The following PAK3 variants were observed in gnomAD, a reference collection of about 807,000 sequenced individuals.
The protein encoded by PAK3 is serine/threonine-protein kinase PAK 3.
In PAK3, 4 loss-of-function variants were observed where a neutral mutation model predicts 41.0. The ratio of observed to expected loss-of-function variants is 0.10; its 90% CI spans 0.05 to 0.22. PAK3 has a LOEUF of 0.22. PAK3 is among the 10% of genes least tolerant of loss of function. PAK3 has a pLI of 1.00. For synonymous variants in PAK3, 146 were observed against 139.6 expected (o/e 1.05, Z -0.32); for missense variants, 205 against 409.9 (o/e 0.50, Z 4.32).
At chrX:110,944,957 G>T (rs2090580227) in intron 1 of PAK3, among the ~76,000 whole-genome samples, 1 of 111,952 alleles carries the variant, frequency 8.9e-6, no homozygotes, top group Non-Finnish European at 1.9e-5. Flanking sequence ...GGATGGGGGC[G>T]GGGAGAGATG....
intron 1 of PAK3, among the ~76,000 whole-genome samples, chrX:111,070,663 G>A (rs1286794633): frequency 1.8e-5 from 2 of 111,803 alleles, no homozygotes; most frequent in Non-Finnish European, 3.8e-5. Flanking sequence ...GGACTTTGAG[G>A]CTACCTGATG....
At chrX:111,142,220 T>G (rs1304592746) in intron 6 of PAK3, 24 bp downstream of exon 6, 1 of 864,131 alleles carries the variant, frequency 1.2e-6, no homozygotes, top group African/African-American at 2.0e-5. Context: ...TTGTTTTGTT[T>G]TGTAAGCCAC....
intron 13 of PAK3, among the ~76,000 whole-genome samples, chrX:111,193,324 A>G (rs1456327863): frequency 9.2e-6 from 1 of 108,849 alleles, no homozygotes; most frequent in Non-Finnish European, 1.9e-5. Context: ...CTGGGAGGAA[A>G]AAAGAGGGTT....
intron 1 of PAK3, among the ~76,000 whole-genome samples, chrX:111,032,068 C>G (rs2092346435): frequency 9.0e-6 from 1 of 111,644 alleles, no homozygotes; most frequent in African/African-American, 3.3e-5. Context: ...TTGTTCATTT[C>G]CTTAGTAATC....
At chrX:111,131,059 T>G (rs951066727) in intron 5 of PAK3, among the ~76,000 whole-genome samples, 6 of 111,797 alleles carry the variant, frequency 5.4e-5, no homozygotes, top group African/African-American at 1.9e-4. Flanking sequence ...GTAGCTTGTT[T>G]TGTAAACAGG....
At chrX:111,204,236 A>G (rs984371611) in intron 16 of PAK3, among the ~76,000 whole-genome samples, 2 of 111,587 alleles carry the variant, frequency 1.8e-5, no homozygotes, top group Non-Finnish European at 3.8e-5. Context: ...GTGAATTATG[A>G]CCCAGAAAAC....
chrX:111,105,265 TATC>T (rs1439086948), intron 4 of PAK3, among the ~76,000 whole-genome samples: 3 of 111,804 alleles, frequency 2.7e-5, no homozygotes, highest in Non-Finnish European at 3.8e-5. Flanking sequence ...GTGCTATTAA[TATC>T]ATATTCTCAC....
chrX:110,968,084 G>T (rs1168886347), intron 1 of PAK3, among the ~76,000 whole-genome samples: 2 of 112,453 alleles, frequency 1.8e-5, no homozygotes, highest in African/African-American at 3.2e-5. Context: ...AATATATTAT[G>T]TGACTTTTTG....
intron 16 of PAK3, among the ~76,000 whole-genome samples, chrX:111,204,067 G>A (rs751094614): frequency 1.3e-3 from 146 of 111,254 alleles, no homozygotes; most frequent in Admixed American, 3.6e-3. Flanking sequence ...AGAATAACAG[G>A]GTTCCTTTTT....
intron 1 of PAK3, among the ~76,000 whole-genome samples, chrX:111,032,277 G>A (rs2092349128): frequency 8.9e-6 from 1 of 111,865 alleles, no homozygotes; most frequent in Admixed American, 9.5e-5. Flanking sequence ...TCCCAAGCTT[G>A]CAAACATTTA....
At chrX:110,997,905 G>C (rs183587425) in intron 1 of PAK3, among the ~76,000 whole-genome samples, 74 of 111,312 alleles carry the variant, frequency 6.6e-4, no homozygotes, top group Non-Finnish European at 3.8e-5. Flanking sequence ...ACAGCAAGAA[G>C]ATGCCGTCTA....
chrX:111,198,662 T>C (rs1374403769), intron 16 of PAK3, among the ~76,000 whole-genome samples: 3 of 111,367 alleles, frequency 2.7e-5, no homozygotes. Context: ...TTCCGGGTTC[T>C]CTCACCTGTC....
At chrX:111,117,825 A>G (rs2093492952) in intron 4 of PAK3, among the ~76,000 whole-genome samples, 2 of 111,890 alleles carry the variant, frequency 1.8e-5, no homozygotes, top group Non-Finnish European at 3.8e-5. Flanking sequence ...CATGGAACTT[A>G]TGATCTAATG....
At chrX:111,135,787 A>G (rs1180717762) in intron 5 of PAK3, among the ~76,000 whole-genome samples, 1 of 111,663 alleles carries the variant, frequency 9.0e-6, no homozygotes, top group East Asian at 2.8e-4. Flanking sequence ...GTGAGAGCTA[A>G]GGAAATCTAG....
At chrX:110,980,542 T>C (rs2091431346) in intron 1 of PAK3, among the ~76,000 whole-genome samples, 1 of 111,284 alleles carries the variant, frequency 9.0e-6, no homozygotes, top group South Asian at 3.9e-4. Flanking sequence ...AAGGGATAAC[T>C]TTCCCCTTGG....
chrX:111,098,117 C>T (rs1384268131), intron 3 of PAK3, among the ~76,000 whole-genome samples: 1 of 111,052 alleles, frequency 9.0e-6, no homozygotes, highest in Non-Finnish European at 1.9e-5. Flanking sequence ...ACCATTCCCA[C>T]AGGTTGCAGA....
rs1005166027 is a variant in PAK3, at chrX:111,222,526, G to A, written c.*2079G>A. On this transcript the variant is annotated 3_prime_UTR_variant, in exon 18 of 18. Transcript: ENST00000372007. ...ACTTTGCAAAAACGAATCTGGGCCTGTAATTTTTAATGCCACACTGCTCTA... is the reference window on the plus strand; with the variant it reads ...ACTTTGCAAAAACGAATCTGGGCCTATAATTTTTAATGCCACACTGCTCTA... 8.9e-6 allele frequency: 1 copy of A among 112,342 alleles called. No individual in the cohort carries two copies. Among genetic ancestry groups the A allele is most frequent in the Non-Finnish European group, 1.9e-5 (1 of 53,229 alleles). The allele number at this position is 112,342 out of a possible 1,213,427, so 9.3% of individuals were successfully genotyped here. A position where few individuals can be genotyped will look rare whatever the true frequency, so the allele number is the denominator to read the frequency against.
chrX:111,018,948 C>T (rs888704227), intron 1 of PAK3, among the ~76,000 whole-genome samples: 8 of 111,394 alleles, frequency 7.2e-5, no homozygotes, highest in Non-Finnish European at 1.5e-4. Flanking sequence ...TAGATGGTAC[C>T]TTTTTGTACC....
At chrX:111,086,240 A>C (rs535381652) in intron 1 of PAK3, among the ~76,000 whole-genome samples, 1 of 111,663 alleles carries the variant, frequency 9.0e-6, no homozygotes, top group Non-Finnish European at 1.9e-5. Flanking sequence ...AAGAGAAAGT[A>C]AGGAATTTGA....
Sources: gnomAD v4.1 joint callset for allele counts (sites outside exome capture counted in the v4.1 genomes callset) on GRCh38, gnomAD v4.1.1 for gene constraint, MANE v1.5 for transcripts, NCBI Gene and HGNC (gene_info 2026-07-23, HGNC 2026-07-21) for gene names.